The following ASF1B variants were observed in gnomAD, a reference collection of about 807,000 sequenced individuals.
ASF1B encodes the protein anti-silencing function 1B histone chaperone.
In ASF1B, 10 loss-of-function variants were observed where a neutral mutation model predicts 16.6. The observed-to-expected ratio is 0.60, with a 90% confidence interval of 0.37 to 1.02. The LOEUF (loss-of-function observed/expected upper bound fraction) is 1.02. Among genes scored for constraint, ASF1B ranks in the 50% least tolerant of loss-of-function variants. The probability of loss-of-function intolerance (pLI) is 0.01; values close to 1 mark genes in which losing one functional copy is unlikely to be tolerated. For missense variants in ASF1B, 240 were observed against 266.0 expected (o/e 0.90, Z 0.68); for synonymous variants, 101 against 106.2 (o/e 0.95, Z 0.30).
chr19:14,121,797 T>G, intron 2 of ASF1B, 89 bp from the exon 3 acceptor site: 2 of 1,267,980 alleles, frequency 1.6e-6, no homozygotes. Context: ...ATGTATTTAC[T>G]GAGCAAAAAG....
intron 3 of ASF1B, 62 bp from the exon 4 acceptor site, chr19:14,120,727 C>T (rs1967223072): frequency 6.6e-7 from 1 of 1,505,268 alleles, no homozygotes; most frequent in African/African-American, 1.4e-5. Flanking sequence ...CCCATAGAGC[C>T]AGGACACCCC....
In ASF1B at chr19:14,136,538, G is replaced by A. The variant is rs1043723073; in HGVS notation, c.-82C>T. The A allele has an allele frequency of 4.1e-6, 5 of 1,217,362 alleles. No homozygotes were observed. The highest frequency in any genetic ancestry group is 4.7e-6 in the Non-Finnish European group (4 of 856,806). The allele number at this position is 1,217,362 out of a possible 1,614,324, so 75.4% of individuals were successfully genotyped here. ...CGCCTGGGTCCGGTGGGGTCAGTGGGGTAGGGCTGACCAGGTCCACTCCCG... is the reference window on the plus strand; with the variant it reads ...CGCCTGGGTCCGGTGGGGTCAGTGGAGTAGGGCTGACCAGGTCCACTCCCG... On this transcript the variant is annotated 5_prime_UTR_variant, in exon 1 of 4. Coordinates refer to ENST00000263382, the MANE Select transcript of ASF1B (RefSeq NM_018154.3).
At chr19:14,136,212 G>T (rs1599361914) in intron 1 of ASF1B, 136 bp downstream of exon 1, 1 of 658,926 alleles carries the variant, frequency 1.5e-6, no homozygotes, top group Non-Finnish European at 2.6e-6. Context: ...TGACTGGCGG[G>T]CTGGGGGAGA....
chr19:14,123,239 G>A (rs1427799098), intron 2 of ASF1B, among the ~76,000 whole-genome samples: 2 of 152,108 alleles, frequency 1.3e-5, no homozygotes, highest in African/African-American at 2.4e-5. Context: ...TAGTAGTGGT[G>A]GCTGAAGGGG....
chr19:14,123,821 C>T (rs1259918015), intron 2 of ASF1B, among the ~76,000 whole-genome samples: 2 of 146,496 alleles, frequency 1.4e-5, no homozygotes, highest in African/African-American at 5.1e-5. Flanking sequence ...GACAGGGTCT[C>T]ACTCTGTTGC....
chr19:14,136,391 G>T lies in ASF1B; in HGVS notation c.66C>A (p.Phe22Leu). The T allele has an allele frequency of 6.2e-7, 1 of 1,613,818 alleles. No individual in the cohort carries two copies. Residue 22 changes from phenylalanine to leucine, a missense_variant, in exon 1 of 4, where the codon TTC (phenylalanine) becomes TTA (leucine). By Grantham distance (22) the Phe-to-Leu change is conservative (BLOSUM62 0). Transcript: ENST00000263382. ...LENPSPFHSP[F>L]RFEISFECSE... is the part of the protein sequence containing the mutation. Reference sequence around the variant, plus strand: ...TGCACTCGAAGCTGATCTCGAACCGGAAGGGGCTGTGGAAAGGGCTCGGGT... The same window carrying T: ...TGCACTCGAAGCTGATCTCGAACCGTAAGGGGCTGTGGAAAGGGCTCGGGT...
chr19:14,121,475 TCCC>T (rs770498386), intron 3 of ASF1B, 54 bp downstream of exon 3: 2 of 1,556,692 alleles, frequency 1.3e-6, no homozygotes, highest in African/African-American at 1.4e-5. Flanking sequence ...ATGGCTGAAC[TCCC>T]CCCAAGTATA....
chr19:14,123,415 T>A (rs1186356023), intron 2 of ASF1B, among the ~76,000 whole-genome samples: 4 of 146,246 alleles, frequency 2.7e-5, no homozygotes, highest in African/African-American at 1.0e-4. Flanking sequence ...GGAGTCTCAC[T>A]GTCACCCAGG....
chr19:14,123,378 CTTTT>C (rs74181857), intron 2 of ASF1B, among the ~76,000 whole-genome samples: 5 of 119,814 alleles, frequency 4.2e-5, no homozygotes, highest in Non-Finnish European at 6.8e-5. Flanking sequence ...TTTCTTTCTT[CTTTT>C]TTTTTTTTTT....
chr19:14,124,645 TGCCTGTTCCCACCTAGAGTTACCTACCAC>T (rs1316782261), intron 2 of ASF1B, among the ~76,000 whole-genome samples: 4 of 152,318 alleles, frequency 2.6e-5, no homozygotes, highest in East Asian at 1.9e-4. Context: ...TTACCTACCA[TGCCTGTTCCCACCTAGAGTTACCTACCAC>T]GCCTGTTCCC....
chr19:14,132,634 A>G (rs1436817651), intron 1 of ASF1B, among the ~76,000 whole-genome samples: 1 of 152,180 alleles, frequency 6.6e-6, no homozygotes, highest in Non-Finnish European at 1.5e-5. Context: ...CCTGGCCAAC[A>G]TGGTGAAACC....
intron 1 of ASF1B, among the ~76,000 whole-genome samples, chr19:14,131,402 C>T (rs545095922): frequency 2.1e-4 from 31 of 151,076 alleles, no homozygotes; most frequent in Non-Finnish European, 3.8e-4. Flanking sequence ...AGGCTGGTCT[C>T]GAACTCCTGA....
rs145391075 is a variant in ASF1B at position 14,132,902 on chromosome 19, C to T, written c.109+3446G>A. 6.2e-3 allele frequency among the ~76,000 whole-genome samples: 944 copies of T among 151,880 alleles called. 11 individuals carry two copies. The highest frequency in any genetic ancestry group is 0.021 in the African/African-American group (882 of 41,442). On this transcript the variant is annotated intron_variant, in intron 1 of 3. Coordinates refer to ENST00000263382, the MANE Select transcript of ASF1B (RefSeq NM_018154.3). The stretch of plus-strand genomic sequence containing the variant: ...ATCCCAGGCCGAGGCGGGCGGATCA[C>T]AAGGTCAGGAAATCGAGACCATCCT...
intron 1 of ASF1B, among the ~76,000 whole-genome samples, chr19:14,129,534 T>C (rs193092120): frequency 2.0e-5 from 3 of 150,932 alleles, no homozygotes; most frequent in East Asian, 3.9e-4. Context: ...AAAATTTAGC[T>C]GGGCATGATG....
chr19:14,131,440 C>CA (rs1374321249), intron 1 of ASF1B, among the ~76,000 whole-genome samples: 1 of 151,204 alleles, frequency 6.6e-6, no homozygotes, highest in Admixed American at 6.6e-5. Context: ...CTCGGCCTCC[C>CA]AAAGTGCTGG....
intron 1 of ASF1B, among the ~76,000 whole-genome samples, chr19:14,130,732 G>T (rs369748662): frequency 6.6e-6 from 1 of 150,786 alleles, no homozygotes; most frequent in Non-Finnish European, 1.5e-5. Context: ...ATCTCTCTGC[G>T]CTAACTTCAC....
At chr19:14,127,269 C>A (rs1411554700) in intron 1 of ASF1B, among the ~76,000 whole-genome samples, 4 of 152,216 alleles carry the variant, frequency 2.6e-5, no homozygotes, top group Non-Finnish European at 4.4e-5. Context: ...CTGGGGAAAC[C>A]TGGGCCTCTC....
Position 14,136,472 on chromosome 19 carries a change from C to T in ASF1B, c.-16G>A. The T allele has an allele frequency of 6.2e-7, 1 of 1,610,218 alleles. No individual in the cohort carries two copies. On this transcript the variant is annotated 5_prime_UTR_variant, in exon 1 of 4. Coordinates refer to ENST00000263382, the MANE Select transcript of ASF1B (RefSeq NM_018154.3). ...CCTTGGCCATCGCCTCGCCTCGCCG[C>T]GCCGCAGCAGGGGCAGGGGCTGTGG...
At chr19:14,133,952 C>T (rs1967446965) in intron 1 of ASF1B, among the ~76,000 whole-genome samples, 2 of 151,704 alleles carry the variant, frequency 1.3e-5, no homozygotes, top group East Asian at 2.0e-4. Context: ...TACAGGCGCC[C>T]GCCACCACGC....
Sources: allele counts gnomAD v4.1 joint callset (sites outside exome capture counted in the v4.1 genomes callset), GRCh38; gene constraint gnomAD v4.1.1; transcripts MANE v1.5; gene names NCBI Gene and HGNC (gene_info 2026-07-23, HGNC 2026-07-21).